The following MME variants were observed in gnomAD, a reference collection of about 807,000 sequenced individuals.
The protein encoded by MME is membrane metalloendopeptidase.
In MME, 98 loss-of-function variants were observed where a neutral mutation model predicts 113.2. The observed-to-expected ratio is 0.87, with a 90% CI of 0.74 to 1.02. The LOEUF is 1.02. Among genes scored for constraint, MME ranks in the 50% least tolerant of loss-of-function variants. MME has a pLI of 0.00. For synonymous variants in MME, 292 were observed against 300.6 expected, an observed-to-expected ratio of 0.97 and a Z score of 0.30; for missense variants, 836 against 896.0, an observed-to-expected ratio of 0.93 and a Z score of 0.86.
chr3:155,167,849 A>G (rs537884264), intron 18 of MME, among the ~76,000 whole-genome samples: 2 of 152,360 alleles, frequency 1.3e-5, no homozygotes, highest in African/African-American at 4.8e-5. Context: ...TAACAAAGAT[A>G]GGAACTGGTA....
At chr3:155,055,187 G>A (rs1044826461) in intron 1 of MME, among the ~76,000 whole-genome samples, 2 of 152,106 alleles carry the variant, frequency 1.3e-5, no homozygotes, top group African/African-American at 4.8e-5. Context: ...GAAAAAAAAC[G>A]ATTATATGCT....
chr3:155,109,991 AT>A (rs1718049844), intron 3 of MME, among the ~76,000 whole-genome samples: 1 of 152,234 alleles, frequency 6.6e-6, no homozygotes, highest in Admixed American at 6.5e-5. Context: ...ACTATAAAAA[AT>A]TCATCCGCGG....
intron 18 of MME, 135 bp downstream of exon 18, chr3:155,167,156 A>G: frequency 1.7e-6 from 2 of 1,201,418 alleles, no homozygotes; most frequent in South Asian, 1.3e-5. Context: ...CACACTTTCA[A>G]TTTTCCCTTT....
At chr3:155,141,188 C>T (rs1234461830) in intron 10 of MME, among the ~76,000 whole-genome samples, 1 of 152,156 alleles carries the variant, frequency 6.6e-6, no homozygotes, top group Non-Finnish European at 1.5e-5. Context: ...TTTCCAAAGG[C>T]ATAAACTATT....
chr3:155,171,828 A>C (rs1001193817), intron 20 of MME, among the ~76,000 whole-genome samples: 1 of 152,230 alleles, frequency 6.6e-6, no homozygotes, highest in Non-Finnish European at 1.5e-5. Context: ...TAAGTTTTTC[A>C]TCACTTATTT....
chr3:155,026,069 G>GTAGC (rs1712774645), intron 1 of MME, among the ~76,000 whole-genome samples: 1 of 152,024 alleles, frequency 6.6e-6, no homozygotes, highest in Admixed American at 6.6e-5. Context: ...TTTTGCCAGT[G>GTAGC]TAGCCATGGA....
chr3:155,146,255 G>C (rs1721495154), intron 14 of MME, among the ~76,000 whole-genome samples: 1 of 152,200 alleles, frequency 6.6e-6, no homozygotes, highest in Admixed American at 6.5e-5. Context: ...GCCAGGTGCA[G>C]TGGCTCCCTG....
At chr3:155,046,310 C>A (rs1713557439) in intron 1 of MME, among the ~76,000 whole-genome samples, 1 of 152,160 alleles carries the variant, frequency 6.6e-6, no homozygotes, top group African/African-American at 2.4e-5. Context: ...ATATATTATA[C>A]AATCTTGTGC....
intron 1 of MME, among the ~76,000 whole-genome samples, chr3:155,039,537 G>T (rs1172649562): frequency 6.6e-6 from 1 of 152,062 alleles, no homozygotes; most frequent in Non-Finnish European, 1.5e-5. Flanking sequence ...AACATAGTTG[G>T]AAAAGAATAG....
At chr3:155,104,509 G>A (rs1717529695) in intron 3 of MME, among the ~76,000 whole-genome samples, 1 of 152,192 alleles carries the variant, frequency 6.6e-6, no homozygotes, top group African/African-American at 2.4e-5. Context: ...TCCTCTGGCT[G>A]TTGTCTTTTT....
chr3:155,160,525 A>G, intron 17 of MME, 77 bp downstream of exon 17: 2 of 943,230 alleles, frequency 2.1e-6, no homozygotes, highest in Non-Finnish European at 3.5e-6. Context: ...GACCAATTAC[A>G]ATACCTCTAA....
At chr3:155,038,003 G>T (rs1197727025) in intron 1 of MME, among the ~76,000 whole-genome samples, 2 of 152,152 alleles carry the variant, frequency 1.3e-5, no homozygotes, top group Non-Finnish European at 2.9e-5. Context: ...TAATGAAACA[G>T]ATAGTCTAAT....
In MME at chr3:155,116,894, A is replaced by G. The variant is rs1203573702; in HGVS notation, c.562A>G (p.Ile188Val). ...YGASWTAEKA[I>V]AQLNSKYGKK... Reference sequence around the variant, plus strand: ...TGCTTCTTGGACAGCTGAAAAAGCTATTGCACAACTGAATTCTAAATATGG... The same window carrying G: ...TGCTTCTTGGACAGCTGAAAAAGCTGTTGCACAACTGAATTCTAAATATGG... The change falls in exon 7 of 23, where the codon ATT (isoleucine) becomes GTT (valine). Residue 188 changes from isoleucine (I) to valine (V), a missense_variant. Transcript: ENST00000360490. 5.6e-6 allele frequency: 9 copies of G among 1,611,922 alleles called. No individual in the cohort carries two copies. In the Admixed American group the frequency reaches 6.7e-5, roughly 12 times the overall value.
chr3:155,118,684 A>G, intron 7 of MME, 62 bp from the exon 8 acceptor site: 4 of 1,108,934 alleles, frequency 3.6e-6, no homozygotes, highest in Non-Finnish European at 5.4e-6. Flanking sequence ...ACATGCTTGT[A>G]TTTTTCAAAC....
chr3:155,054,675 G>A (rs1022770951), intron 1 of MME, among the ~76,000 whole-genome samples: 2 of 152,088 alleles, frequency 1.3e-5, no homozygotes, highest in Admixed American at 1.3e-4. Context: ...AAATTAGTTG[G>A]GCATAGTGGC....
chr3:155,075,296 A>T (rs1230393737), upstream of MME, among the ~76,000 whole-genome samples: 1 of 152,042 alleles, frequency 6.6e-6, no homozygotes, highest in Non-Finnish European at 1.5e-5. Flanking sequence ...TTTACTTTCA[A>T]CTATGCTATA....
chr3:155,182,318 TGGGCAC>T lies in MME; in HGVS notation c.*1860_*1865del, dbSNP rs1246939158. On this transcript the variant is annotated 3_prime_UTR_variant, in exon 23 of 23. Transcript: ENST00000360490. Reference sequence around the variant, plus strand: ...TACAATTTGTTCATCCTATTGTTGATGGGCACTTGAGAACTTTCCATTTTGGCGCTA... The same window carrying T: ...TACAATTTGTTCATCCTATTGTTGATTTGAGAACTTTCCATTTTGGCGCTA... The T allele has an allele frequency of 1.3e-5, 2 of 152,230 alleles. No individual in the cohort carries two copies. Among genetic ancestry groups the T allele is most frequent in the Non-Finnish European group, 2.9e-5 (2 of 68,034 alleles). The allele number at this position is 152,230 out of a possible 1,614,324, so 9.4% of individuals were successfully genotyped here. A position where few individuals can be genotyped will look rare whatever the true frequency, so the allele number is the denominator to read the frequency against.
At chr3:155,087,872 A>G (rs1173074659) in intron 3 of MME, among the ~76,000 whole-genome samples, 1 of 152,176 alleles carries the variant, frequency 6.6e-6, no homozygotes, top group East Asian at 1.9e-4. Flanking sequence ...AATGTGACTT[A>G]ATGTTTAGAG....
intron 17 of MME, among the ~76,000 whole-genome samples, chr3:155,161,080 G>A (rs1384705842): frequency 6.6e-6 from 1 of 152,114 alleles, no homozygotes; most frequent in Non-Finnish European, 1.5e-5. Context: ...ACATGAATAA[G>A]TTATCATATA....
Sources: allele counts gnomAD v4.1 joint callset (sites outside exome capture counted in the v4.1 genomes callset), GRCh38; gene constraint gnomAD v4.1.1; transcripts MANE v1.5; gene names NCBI Gene and HGNC (gene_info 2026-07-23, HGNC 2026-07-21).